The following APBB1IP variants were observed in gnomAD, a reference collection of about 807,000 sequenced individuals.
APBB1IP encodes the protein amyloid beta precursor protein binding family B member 1 interacting protein.
Under a neutral mutation model 64.9 loss-of-function variants are expected in APBB1IP, and 27 were observed. The ratio of observed to expected loss-of-function variants is 0.42; its 90% CI spans 0.31 to 0.57. The LOEUF is 0.57. Ranked by LOEUF, APBB1IP falls within the 20% of genes least tolerant of loss-of-function variation. The pLI, the probability that APBB1IP is intolerant of heterozygous loss-of-function variation, is 0.20. For missense variants in APBB1IP, 812 were observed against 845.5 expected, an observed-to-expected ratio of 0.96 and a Z score of 0.49; for synonymous variants, 392 against 331.0, an observed-to-expected ratio of 1.18 and a Z score of -2.00.
intron 4 of APBB1IP, among the ~76,000 whole-genome samples, chr10:26,498,544 A>G (rs1309768716): frequency 6.6e-6 from 1 of 152,228 alleles, no homozygotes; most frequent in Non-Finnish European, 1.5e-5. Context: ...TAGTAAAATT[A>G]TGATGGCAAT....
intron 2 of APBB1IP, among the ~76,000 whole-genome samples, chr10:26,477,194 G>A (rs1835786290): frequency 6.6e-6 from 1 of 152,166 alleles, no homozygotes; most frequent in South Asian, 2.1e-4. Context: ...TTTGGTAGCA[G>A]TATTACAGAG....
At chr10:26,457,381 C>A (rs897531035) in intron 2 of APBB1IP, among the ~76,000 whole-genome samples, 1 of 152,208 alleles carries the variant, frequency 6.6e-6, no homozygotes, top group Non-Finnish European at 1.5e-5. Flanking sequence ...CTCAAGCAAT[C>A]CTCCTGCCTC....
intron 2 of APBB1IP, among the ~76,000 whole-genome samples, chr10:26,448,395 A>G (rs2132396385): frequency 6.6e-6 from 1 of 152,342 alleles, no homozygotes; most frequent in East Asian, 1.9e-4. Context: ...TTGCAAATCC[A>G]GTGTGTTTTC....
chr10:26,442,179 A>G (rs994607203), intron 2 of APBB1IP, among the ~76,000 whole-genome samples: 4 of 152,170 alleles, frequency 2.6e-5, no homozygotes, highest in Admixed American at 6.5e-5. Flanking sequence ...GGTCTCCCCA[A>G]CCAGGGTCAC....
Position 26,567,387 on chromosome 10 carries a change from C to G in APBB1IP, c.1900C>G (p.Gln634Glu), listed in dbSNP as rs1236041918. ...GAGGCCTCCTGTGCCCCCCAAGAGG[C>G]AAGAGAACCCAGGGCACCCCGGCGG... is the stretch of plus-strand genomic sequence containing the variant. Reference protein sequence around the residue: ...AKRPPVPPKRQENPGHPGGAG... With the variant: ...AKRPPVPPKREENPGHPGGAG... Residue 634 changes from glutamine (Q) to glutamate (E), a missense_variant, in exon 15 of 15, where the codon CAA (glutamine) becomes GAA (glutamate). By Grantham distance (29) the Gln-to-Glu change is conservative. Around this residue, in one of 3 missense-constraint regions of APBB1IP, gnomAD observed 381 missense variants for 352.1 expected, o/e 1.08. Coordinates refer to ENST00000376236, the MANE Select transcript of APBB1IP (RefSeq NM_019043.4). The G allele has an allele frequency of 1.3e-6, 2 of 1,588,162 alleles. No homozygotes were observed. Among genetic ancestry groups the G allele is most frequent in the Non-Finnish European group, 1.7e-6 (2 of 1,164,354 alleles).
At chr10:26,476,637 C>T (rs894089888) in intron 2 of APBB1IP, among the ~76,000 whole-genome samples, 18 of 151,902 alleles carry the variant, frequency 1.2e-4, no homozygotes, top group African/African-American at 3.6e-4. Context: ...AGAACAAAGA[C>T]GTTCTGTCTT....
At chr10:26,501,176 G>A (rs1588589484) in intron 5 of APBB1IP, 65 bp downstream of exon 5, 4 of 1,591,866 alleles carry the variant, frequency 2.5e-6, no homozygotes, top group Middle Eastern at 1.7e-4. Flanking sequence ...GATGTTCCTT[G>A]AAGTGATCAT....
At chr10:26,440,947 C>G (rs1835331645) in intron 2 of APBB1IP, among the ~76,000 whole-genome samples, 1 of 152,006 alleles carries the variant, frequency 6.6e-6, no homozygotes, top group Non-Finnish European at 1.5e-5. Flanking sequence ...TATTTTTATG[C>G]CTAAAACATT....
rs1385484896 is a variant in APBB1IP at position 26,566,212 on chromosome 10, A to G, written c.1474-749A>G. Reference sequence around the variant, plus strand: ...GGCAGGAGGATCACTTGAGGCTAGGAGTCTGAGACTAACCTGGGCAACACA... The same window carrying G: ...GGCAGGAGGATCACTTGAGGCTAGGGGTCTGAGACTAACCTGGGCAACACA... On this transcript the variant is annotated intron_variant, in intron 14 of 14. Coordinates refer to ENST00000376236, the MANE Select transcript of APBB1IP (RefSeq NM_019043.4). Among the ~76,000 whole-genome samples, 6 of 152,300 alleles carry G rather than the reference A, an allele frequency of 3.9e-5. No homozygotes were observed. The East Asian group carries it at 5.8e-4, about 15-fold the overall frequency.
intron 2 of APBB1IP, among the ~76,000 whole-genome samples, chr10:26,470,834 C>G (rs1007062694): frequency 2.6e-5 from 4 of 151,766 alleles, no homozygotes; most frequent in Middle Eastern, 3.4e-3. Flanking sequence ...CCCATCATCT[C>G]TCACCAACCT....
chr10:26,503,356 C>A (rs1223799314), intron 6 of APBB1IP, 82 bp downstream of exon 6: 2 of 1,430,202 alleles, frequency 1.4e-6, no homozygotes, highest in African/African-American at 1.4e-5. Flanking sequence ...CAAAATAAAG[C>A]CGGGCGCGGT....
chr10:26,478,842 T>A (rs1184222583), intron 2 of APBB1IP, among the ~76,000 whole-genome samples: 1 of 152,018 alleles, frequency 6.6e-6, no homozygotes, highest in African/African-American at 2.4e-5. Flanking sequence ...GGGGCCTGAA[T>A]CTTACACAAT....
intron 2 of APBB1IP, among the ~76,000 whole-genome samples, chr10:26,454,573 T>C (rs1386257662): frequency 6.6e-6 from 1 of 151,840 alleles, no homozygotes; most frequent in Non-Finnish European, 1.5e-5. Context: ...AGGCTGGGAA[T>C]GGTAGCTGGG....
chr10:26,454,036 G>T (rs1049638421), intron 2 of APBB1IP, among the ~76,000 whole-genome samples: 5 of 152,176 alleles, frequency 3.3e-5, no homozygotes, highest in African/African-American at 1.2e-4. Flanking sequence ...CCATGAAAAA[G>T]AATGTTATCT....
intron 11 of APBB1IP, among the ~76,000 whole-genome samples, chr10:26,559,316 C>A (rs1203871983): frequency 6.6e-6 from 1 of 152,034 alleles, no homozygotes; most frequent in African/African-American, 2.4e-5. Context: ...GTAATCCCAG[C>A]ACTTTGGTTG....
chr10:26,442,077 T>C (rs1835344107), intron 2 of APBB1IP, among the ~76,000 whole-genome samples: 1 of 152,106 alleles, frequency 6.6e-6, no homozygotes, highest in African/African-American at 2.4e-5. Flanking sequence ...GTTTATAGTC[T>C]AGAAGAGGAG....
intron 2 of APBB1IP, among the ~76,000 whole-genome samples, chr10:26,456,907 G>T (rs966321058): frequency 6.6e-6 from 1 of 152,196 alleles, no homozygotes; most frequent in Admixed American, 6.5e-5. Flanking sequence ...GCTGGGGAAA[G>T]TGTGGGACAA....
intron 8 of APBB1IP, among the ~76,000 whole-genome samples, chr10:26,522,465 C>T (rs1313279351): frequency 3.9e-5 from 6 of 152,192 alleles, no homozygotes; most frequent in Admixed American, 3.9e-4. Context: ...TTATATTGTT[C>T]CTTTTTTTTC....
At chr10:26,456,815 G>A (rs1835531909) in intron 2 of APBB1IP, among the ~76,000 whole-genome samples, 1 of 150,870 alleles carries the variant, frequency 6.6e-6, no homozygotes, top group Admixed American at 6.6e-5. Flanking sequence ...AAGAAAAGAA[G>A]GAGAGATTGG....
Sources: gnomAD v4.1 joint callset for allele counts (sites outside exome capture counted in the v4.1 genomes callset) on GRCh38, gnomAD v4.1.1 for gene constraint, gnomAD v4.1.1 regional missense constraint, MANE v1.5 for transcripts, NCBI Gene and HGNC (gene_info 2026-07-23, HGNC 2026-07-21) for gene names.